The following BPIFA2 variants were observed in gnomAD, a reference collection of about 807,000 sequenced individuals.
BPIFA2 encodes BPI fold containing family A member 2.
In BPIFA2, 20 loss-of-function variants were observed where a neutral mutation model predicts 25.7. The ratio of observed to expected loss-of-function variants is 0.78; its 90% CI spans 0.55 to 1.13. BPIFA2 has a LOEUF of 1.13. Among genes scored for constraint, BPIFA2 ranks in the 50% most tolerant of loss-of-function variants. BPIFA2 has a pLI of 0.00. For synonymous variants in BPIFA2, 126 were observed against 124.3 expected (o/e 1.01, Z -0.09); for missense variants, 300 against 298.1 (o/e 1.01, Z -0.05).
Position 33,163,001 on chromosome 20 carries a change from A to G in BPIFA2, c.-16+1103A>G, listed in dbSNP as rs559645555. 5.4e-4 allele frequency among the ~76,000 whole-genome samples: 83 copies of G among 152,324 alleles called. 2 individuals carry two copies. The highest frequency in any genetic ancestry group is 1.9e-4 in the East Asian group (1 of 5,178). ...TGCACAGAAAATTTGCAAGAACTGT[A>G]CCTGCTTTGTGGAAAGTAATTGTCA... On this transcript the variant is annotated intron_variant, in intron 1 of 8. Coordinates refer to the BPIFA2 transcript ENST00000253362.
chr20:33,166,966 G>A (rs1983745070), upstream of BPIFA2, among the ~76,000 whole-genome samples: 1 of 152,198 alleles, frequency 6.6e-6, no homozygotes, highest in Non-Finnish European at 1.5e-5. Flanking sequence ...GGCAGCCAGG[G>A]AAGGAGGTGT....
chr20:33,173,753 C>G (rs778721114), intron 3 of BPIFA2, among the ~76,000 whole-genome samples: 5 of 152,174 alleles, frequency 3.3e-5, no homozygotes, highest in Non-Finnish European at 7.3e-5. Context: ...ATCTGCCTGC[C>G]TTGGCCTCCC....
Position 33,174,038 on chromosome 20 carries a change from G to A in BPIFA2, c.303-41G>A, listed in dbSNP as rs759616958. The A allele has an allele frequency of 6.4e-5, 100 of 1,559,678 alleles. 6 individuals carry two copies. In the South Asian group the frequency reaches 1.1e-3, roughly 17 times the overall value. On this transcript the variant is annotated intron_variant, in intron 3 of 8. Coordinates refer to ENST00000354932, the MANE Select transcript of BPIFA2 (RefSeq NM_080574.4). ...CCAGGGAAGTGGTTGGCAAGTGGCT[G>A]TCATGAGGAGTGACAAGGGTGAATT...
In BPIFA2 at chr20:33,180,525, C is replaced by T. The variant is rs143444594; in HGVS notation, c.715C>T (p.Pro239Ser). The T allele has an allele frequency of 1.1e-5, 18 of 1,613,230 alleles. No homozygotes were observed. In the African/African-American group the frequency reaches 1.9e-4, roughly 17 times the overall value. Residue 239 changes from proline to serine, a missense_variant, in exon 8 of 9, where the codon CCT becomes TCT. Pro to Ser is a moderately conservative substitution (Grantham distance 74). Transcript: ENST00000354932. Reference protein sequence around the residue: ...VNVIQQVVDNPQHKTQLQTLI With the variant: ...VNVIQQVVDNSQHKTQLQTLI ...TATTGATTTTGTTTCTTCAGATAAT[C>T]CTCAGCACAAAACCCAGCTGCAAAC...
chr20:33,178,084 T>A, intron 5 of BPIFA2, 63 bp from the exon 6 acceptor site: 3 of 1,315,790 alleles, frequency 2.3e-6, no homozygotes, highest in Non-Finnish European at 3.2e-6. Flanking sequence ...CCCCCAACTT[T>A]TTGGCAGTTC....
chr20:33,170,785 G>T (rs1334092580), intron 2 of BPIFA2, among the ~76,000 whole-genome samples: 1 of 152,126 alleles, frequency 6.6e-6, no homozygotes, highest in Non-Finnish European at 1.5e-5. Flanking sequence ...CTTTCTTTTG[G>T]TGCAACTGCT....
In BPIFA2 at chr20:33,180,814, A is replaced by G. The variant is rs1297992209; in HGVS notation, c.*37+217A>G. On this transcript the variant is annotated intron_variant, in intron 8 of 8. Coordinates refer to ENST00000354932, the MANE Select transcript of BPIFA2 (RefSeq NM_080574.4). ...GATTCTGGCCCCAGACTGAGCCTGG[A>G]TCCTAGTCACAGACTGAGCTTTGAT... Among the ~76,000 whole-genome samples, 2 of 152,190 alleles carry G rather than the reference A, an allele frequency of 1.3e-5. 1 individual carries two copies. Among genetic ancestry groups the G allele is most frequent in the Non-Finnish European group, 2.9e-5 (2 of 68,020 alleles).
chr20:33,162,963 T>C (rs1377971089), intron 1 of BPIFA2, among the ~76,000 whole-genome samples: 1 of 152,238 alleles, frequency 6.6e-6, no homozygotes, highest in Non-Finnish European at 1.5e-5. Flanking sequence ...CCCCATTTGC[T>C]TGGGGCCATC....
intron 2 of BPIFA2, 78 bp downstream of exon 2, chr20:33,169,380 A>T: frequency 2.1e-6 from 3 of 1,434,030 alleles, no homozygotes; most frequent in Non-Finnish European, 2.9e-6. Context: ...AGAGGCTGCC[A>T]CCAGGGGCTA....
intron 6 of BPIFA2, among the ~76,000 whole-genome samples, chr20:33,179,384 C>T (rs577724295): frequency 6.7e-6 from 1 of 149,808 alleles, no homozygotes; most frequent in East Asian, 2.0e-4. Flanking sequence ...GAGCAGAAAT[C>T]GTACCACTGT....
In BPIFA2 at chr20:33,175,498, G is replaced by T; in HGVS notation, c.502G>T (p.Val168Phe). 1.9e-6 allele frequency: 3 copies of T among 1,614,158 alleles called. No homozygotes were observed. The highest frequency in any genetic ancestry group is 2.5e-6 in the Non-Finnish European group (3 of 1,180,012). Residue 168 changes from valine to phenylalanine, a missense_variant, in exon 5 of 9, where the codon GTT becomes TTT. By Grantham distance (50) the Val-to-Phe change is conservative (BLOSUM62 -1). Transcript: ENST00000354932. ...IETDPQTHQP[V>F]AVLGECASDP... Reference sequence around the variant, plus strand: ...AACTGATCCCCAGACACACCAGCCTGTTGCCGTCCTGGGAGAATGCGCCAG... The same window carrying T: ...AACTGATCCCCAGACACACCAGCCTTTTGCCGTCCTGGGAGAATGCGCCAG...
At position 33,172,971 on chromosome 20, in the gene BPIFA2, A is replaced by G. The variant is rs139042907; in HGVS notation, c.197A>G (p.Gln66Arg). The change falls in exon 3 of 9, where the codon CAG (glutamine) becomes CGG (arginine). Residue 66 changes from glutamine (Q) to arginine (R), a missense_variant. Coordinates refer to ENST00000354932, the MANE Select transcript of BPIFA2 (RefSeq NM_080574.4). ...EKLKVDLGVL[Q>R]KSSAWQLAKQ... is the part of the protein sequence containing the mutation. Reference sequence around the variant, plus strand: ...CTGAAGGTCGACCTAGGAGTGCTTCAGAAATCCAGTGCTTGGCAACTGGCC... The same window carrying G: ...CTGAAGGTCGACCTAGGAGTGCTTCGGAAATCCAGTGCTTGGCAACTGGCC... 343 of 1,614,002 alleles carry G rather than the reference A, an allele frequency of 2.1e-4. 1 individual carries two copies. Among genetic ancestry groups the G allele is most frequent in the Non-Finnish European group, 2.5e-4 (300 of 1,180,000 alleles).
chr20:33,172,271 G>A (rs1246301240), intron 2 of BPIFA2, among the ~76,000 whole-genome samples: 1 of 152,072 alleles, frequency 6.6e-6, no homozygotes, highest in Non-Finnish European at 1.5e-5. Context: ...AGAGAATTAG[G>A]ACAAATACCT....
At position 33,180,707 on chromosome 20, in the gene BPIFA2, T is replaced by C. The variant is rs530112109; in HGVS notation, c.*37+110T>C. ...GAAGACTGTGCCTTCATCTCAGTCATAGATTGAGCCCTGGCCCCCATCCCA... is the reference window on the plus strand; with the variant it reads ...GAAGACTGTGCCTTCATCTCAGTCACAGATTGAGCCCTGGCCCCCATCCCA... On this transcript the variant is annotated intron_variant, in intron 8 of 8. Transcript: ENST00000354932. The C allele has an allele frequency of 6.6e-5, 56 of 848,718 alleles. 1 individual carries two copies. Among genetic ancestry groups the C allele is most frequent in the Admixed American group, 3.7e-4 (16 of 43,464 alleles). The allele number at this position is 848,718 out of a possible 1,614,324, so 52.6% of individuals were successfully genotyped here.
upstream of BPIFA2, among the ~76,000 whole-genome samples, chr20:33,166,163 C>G (rs546310368): frequency 1.3e-4 from 20 of 152,156 alleles, no homozygotes; most frequent in Non-Finnish European, 2.9e-4. Context: ...ATTACAGATG[C>G]CTGCCCCCAC....
upstream of BPIFA2, among the ~76,000 whole-genome samples, chr20:33,166,006 C>T (rs1352567731): frequency 6.6e-6 from 1 of 151,996 alleles, no homozygotes; most frequent in Non-Finnish European, 1.5e-5. Flanking sequence ...AGATGCTCCT[C>T]ATTTTATTTT....
At position 33,179,687 on chromosome 20, in the gene BPIFA2, G is replaced by A. The variant is rs769025562; in HGVS notation, c.709+20G>A. On this transcript the variant is annotated intron_variant, in intron 7 of 8. Transcript: ENST00000354932. ...TCGTCGGTAAGTCAATGGGGAAGTG[G>A]GGACCTTCTGAGGCAGGCATGGAGC... 5 of 1,592,678 alleles carry A rather than the reference G, an allele frequency of 3.1e-6. No individual in the cohort carries two copies. The highest frequency in any genetic ancestry group is 4.3e-6 in the Non-Finnish European group (5 of 1,160,972).
chr20:33,171,298 T>C (rs1449100531), intron 2 of BPIFA2, among the ~76,000 whole-genome samples: 3 of 152,202 alleles, frequency 2.0e-5, no homozygotes, highest in African/African-American at 7.2e-5. Flanking sequence ...TTGATGGGAA[T>C]AGCAGTGAAT....
upstream of BPIFA2, among the ~76,000 whole-genome samples, chr20:33,165,658 T>C (rs1983701427): frequency 1.3e-5 from 2 of 152,238 alleles, no homozygotes; most frequent in Non-Finnish European, 2.9e-5. Context: ...CTGCCCCAGC[T>C]GGGGATTAGC....
Sources: allele counts gnomAD v4.1 joint callset (sites outside exome capture counted in the v4.1 genomes callset), GRCh38; gene constraint gnomAD v4.1.1; transcripts MANE v1.5; gene names NCBI Gene and HGNC (gene_info 2026-07-23, HGNC 2026-07-21).